SPATS2: variants seen among roughly 807,000 people sequenced by gnomAD.
The protein encoded by SPATS2 is spermatogenesis associated serine rich 2.
A neutral mutation model predicts 63.7 loss-of-function variants in SPATS2; 38 were observed. The observed-to-expected ratio is 0.60, with a 90% CI of 0.46 to 0.78. The LOEUF is 0.78. Ranked by LOEUF, SPATS2 falls within the 30% of genes least tolerant of loss-of-function variation. The pLI is 0.00. For synonymous variants in SPATS2, 207 were observed against 232.9 expected (o/e 0.89, Z 1.01); for missense variants, 588 against 666.2 (o/e 0.88, Z 1.29).
Position 49,522,648 on chromosome 12 carries a change from A to G in SPATS2, c.1009-103A>G. ...TGGCCATTTAATAAACTTTGAAGCA[A>G]TAAAAAGACAATTGAAAATGATTGT... On this transcript the variant is annotated intron_variant, in intron 11 of 13. Coordinates refer to ENST00000552918, the MANE Select transcript of SPATS2 (RefSeq NM_023071.4). 3.3e-6 allele frequency: 3 copies of G among 898,872 alleles called. No individual in the cohort carries two copies. In the South Asian group the frequency reaches 5.3e-5, roughly 16 times the overall value. 55.7% of individuals were successfully genotyped at this position (898,872 alleles called of 1,614,324 possible).
At chr12:49,450,675 C>G (rs1945605313) in intron 2 of SPATS2, among the ~76,000 whole-genome samples, 2 of 152,126 alleles carry the variant, frequency 1.3e-5, no homozygotes, top group Admixed American at 1.3e-4. Context: ...TCCTGAGTAG[C>G]TGGCATTACA....
chr12:49,464,770 A>G (rs947564893), intron 3 of SPATS2, among the ~76,000 whole-genome samples: 5 of 152,112 alleles, frequency 3.3e-5, no homozygotes, highest in South Asian at 2.1e-4. Flanking sequence ...TTGAGGCTAC[A>G]GTGAGCTATG....
chr12:49,520,405 A>C (rs1344533118), intron 11 of SPATS2, among the ~76,000 whole-genome samples: 1 of 152,098 alleles, frequency 6.6e-6, no homozygotes, highest in African/African-American at 2.4e-5. Context: ...GGTGTGAGCC[A>C]CCGCGCCCGG....
At chr12:49,475,427 C>CTTGTTGTTG (rs111655814) in intron 3 of SPATS2, among the ~76,000 whole-genome samples, 3 of 151,274 alleles carry the variant, frequency 2.0e-5, no homozygotes, top group South Asian at 2.1e-4. Context: ...TGGTAGAATT[C>CTTGTTGTTG]TTGTTGTTGT....
chr12:49,467,057 T>G (rs1191153275), intron 3 of SPATS2, among the ~76,000 whole-genome samples: 129 of 136,196 alleles, frequency 9.5e-4, no homozygotes, highest in Non-Finnish European at 1.8e-3. Flanking sequence ...TTTTTTTTTT[T>G]TTTTTTTTTT....
intron 2 of SPATS2, among the ~76,000 whole-genome samples, chr12:49,452,776 G>A (rs539499869): frequency 6.9e-4 from 104 of 150,164 alleles, no homozygotes; most frequent in Non-Finnish European, 1.1e-3. Flanking sequence ...TTTTTTAACC[G>A]TGGTTCTCTT....
intron 9 of SPATS2, among the ~76,000 whole-genome samples, chr12:49,508,294 G>A (rs572098176): frequency 1.3e-5 from 2 of 151,826 alleles, no homozygotes; most frequent in African/African-American, 2.4e-5. Flanking sequence ...TGCTACCTCT[G>A]CCTCCCGGGT....
chr12:49,395,337 G>A (rs1944489996), intron 2 of SPATS2, among the ~76,000 whole-genome samples: 4 of 151,178 alleles, frequency 2.6e-5, no homozygotes. Flanking sequence ...CACTGGCTGG[G>A]ACCTCCAATA....
At chr12:49,520,879 C>T (rs12318913) in intron 11 of SPATS2, among the ~76,000 whole-genome samples, 2,149 of 152,036 alleles carry the variant, frequency 0.014, 47 homozygotes, top group African/African-American at 0.047. Flanking sequence ...TCACCACGCC[C>T]TGCTAATTTT....
chr12:49,519,111 C>T lies in SPATS2; in HGVS notation c.937C>T (p.Leu313=). Residue 313 remains leucine, a synonymous_variant, in exon 11 of 14, where the codon CTA becomes TTA. Transcript: ENST00000552918. ...CAGCCGACAAAAGAAGGCTGAACTTCTAAAGAAGATGACTCATGTGGCTGT... is the reference window on the plus strand; with the variant it reads ...CAGCCGACAAAAGAAGGCTGAACTTTTAAAGAAGATGACTCATGTGGCTGT... The part of the protein sequence containing the change: ...LLSRQKKAEL[L]KKMTHVAVQM... 1 of 1,614,000 alleles carries T rather than the reference C, an allele frequency of 6.2e-7. No homozygotes were observed. Among genetic ancestry groups the T allele is most frequent in the Non-Finnish European group, 8.5e-7 (1 of 1,179,946 alleles).
At chr12:49,367,928 A>G (rs1157051208) in intron 1 of SPATS2, among the ~76,000 whole-genome samples, 2 of 152,162 alleles carry the variant, frequency 1.3e-5, no homozygotes, top group Non-Finnish European at 2.9e-5. Context: ...ATCATTTGGG[A>G]TGAGAAGTAC....
intron 2 of SPATS2, among the ~76,000 whole-genome samples, chr12:49,404,358 C>T (rs1328991638): frequency 1.3e-5 from 2 of 149,014 alleles, no homozygotes; most frequent in African/African-American, 5.0e-5. Context: ...GTGATCTTAG[C>T]TCACTGCAGC....
At chr12:49,454,835 G>A (rs1159531379) in intron 2 of SPATS2, among the ~76,000 whole-genome samples, 8 of 150,508 alleles carry the variant, frequency 5.3e-5, no homozygotes, top group African/African-American at 2.0e-4. Context: ...AGCCAGGGTC[G>A]CACTGCTGCA....
chr12:49,455,492 C>T (rs950779452), intron 2 of SPATS2, among the ~76,000 whole-genome samples: 3 of 152,224 alleles, frequency 2.0e-5, no homozygotes, highest in Non-Finnish European at 4.4e-5. Flanking sequence ...TCTGCAGCCT[C>T]AGCTTCCCGG....
intron 7 of SPATS2, 115 bp from the exon 8 acceptor site, chr12:49,496,718 C>A: frequency 9.7e-7 from 1 of 1,033,710 alleles, no homozygotes; most frequent in Non-Finnish European, 1.4e-6. Flanking sequence ...TGTTTACAGT[C>A]TTTTAAGAGG....
At chr12:49,484,729 A>G in intron 4 of SPATS2, 60 bp downstream of exon 4, 1 of 1,444,940 alleles carries the variant, frequency 6.9e-7, no homozygotes, top group Admixed American at 1.8e-5. Context: ...AGGTACTAAT[A>G]CGACTAGTGG....
In SPATS2 at chr12:49,526,101, C is replaced by T. The variant is rs776212448; in HGVS notation, c.1484C>T (p.Ala495Val). The T allele has an allele frequency of 7.4e-6, 12 of 1,614,084 alleles. No homozygotes were observed. The Admixed American group carries it at 1.5e-4, about 20-fold the overall frequency. ...GSRYQSAPSQ[A>V]PGNTIERGQT... ...AGGTATCAGAGTGCTCCATCTCAGGCACCAGGAAACACCATTGAAAGAGGC... is the reference window on the plus strand; with the variant it reads ...AGGTATCAGAGTGCTCCATCTCAGGTACCAGGAAACACCATTGAAAGAGGC... The change falls in exon 14 of 14, where the codon GCA (alanine) becomes GTA (valine). Residue 495 changes from alanine to valine, a missense_variant. By Grantham distance (64) the Ala-to-Val change is moderately conservative. Coordinates refer to ENST00000552918, the MANE Select transcript of SPATS2 (RefSeq NM_023071.4).
At chr12:49,396,893 C>T (rs903812832) in intron 2 of SPATS2, among the ~76,000 whole-genome samples, 2 of 152,204 alleles carry the variant, frequency 1.3e-5, no homozygotes, top group African/African-American at 2.4e-5. Context: ...GACTTCAGCT[C>T]TGTAATAGCC....
chr12:49,478,464 G>A (rs1029101418), intron 3 of SPATS2, among the ~76,000 whole-genome samples: 3 of 152,146 alleles, frequency 2.0e-5, no homozygotes, highest in African/African-American at 7.2e-5. Context: ...TATTCTCAAA[G>A]TTGGCATGAG....
Sources: gnomAD v4.1 joint callset for allele counts (sites outside exome capture counted in the v4.1 genomes callset) on GRCh38, gnomAD v4.1.1 for gene constraint, MANE v1.5 for transcripts, NCBI Gene and HGNC (gene_info 2026-07-23, HGNC 2026-07-21) for gene names.